ATXN1: variants seen among roughly 807,000 people sequenced by gnomAD.
The protein encoded by ATXN1 is ataxin 1, also known as ataxin-1.
Under a neutral mutation model 56.4 loss-of-function variants are expected in ATXN1, and 8 were observed. The observed-to-expected ratio is 0.14, with a 90% CI of 0.08 to 0.26. The LOEUF is 0.26. Ranked by LOEUF, ATXN1 falls within the 10% of genes least tolerant of loss-of-function variation. The pLI, the probability that ATXN1 is intolerant of heterozygous loss-of-function variation, is 1.00. For missense variants in ATXN1, 987 were observed against 1,106.5 expected, an observed-to-expected ratio of 0.89 and a Z score of 1.53; for synonymous variants, 514 against 494.6, an observed-to-expected ratio of 1.04 and a Z score of -0.52.
intron 3 of ATXN1, among the ~76,000 whole-genome samples, chr6:16,610,143 G>A (rs1763078094): frequency 6.6e-6 from 1 of 151,978 alleles, no homozygotes; most frequent in Non-Finnish European, 1.5e-5. Flanking sequence ...GACAAAGTAG[G>A]AAGCCAACAT....
intron 6 of ATXN1, among the ~76,000 whole-genome samples, chr6:16,453,246 G>T (rs1410257711): frequency 1.3e-5 from 2 of 152,158 alleles, no homozygotes; most frequent in African/African-American, 4.8e-5. Context: ...GGATCACAAG[G>T]TCAGGAGATC....
intron 1 of ATXN1, among the ~76,000 whole-genome samples, chr6:16,759,859 G>A (rs1383449850): frequency 6.6e-6 from 1 of 152,084 alleles, no homozygotes; most frequent in African/African-American, 2.4e-5. Flanking sequence ...CACAAGCCAC[G>A]GAGTTTAAGA....
intron 6 of ATXN1, among the ~76,000 whole-genome samples, chr6:16,413,136 T>C (rs1157188679): frequency 6.6e-6 from 1 of 152,248 alleles, no homozygotes; most frequent in East Asian, 1.9e-4. Flanking sequence ...CCAGTCATTA[T>C]GCTGCATATT....
At chr6:16,651,489 A>G (rs1763891726) in intron 3 of ATXN1, among the ~76,000 whole-genome samples, 1 of 151,424 alleles carries the variant, frequency 6.6e-6, no homozygotes, top group African/African-American at 2.4e-5. Flanking sequence ...GGTTGCAGTA[A>G]GCTGAGATGG....
intron 2 of ATXN1, among the ~76,000 whole-genome samples, chr6:16,718,911 T>C (rs1177897933): frequency 1.3e-5 from 2 of 152,234 alleles, no homozygotes. Context: ...TGAAGGTATG[T>C]AGCATGATAA....
chr6:16,365,390 C>A (rs1357603909), intron 6 of ATXN1, among the ~76,000 whole-genome samples: 2 of 152,168 alleles, frequency 1.3e-5, no homozygotes, highest in Admixed American at 6.5e-5. Flanking sequence ...GTTGGCCAGG[C>A]TGGTCTCGAA....
At chr6:16,664,762 GAGTATAA>G (rs1413781669) in intron 2 of ATXN1, among the ~76,000 whole-genome samples, 1 of 151,870 alleles carries the variant, frequency 6.6e-6, no homozygotes, top group Non-Finnish European at 1.5e-5. Flanking sequence ...TAAATTTTAA[GAGTATAA>G]AGTTTCCTCT....
At chr6:16,316,863 G>GTTTTTTT (rs1561847571) in intron 7 of ATXN1, among the ~76,000 whole-genome samples, 2 of 84,240 alleles carry the variant, frequency 2.4e-5, no homozygotes, top group African/African-American at 1.7e-4. Flanking sequence ...GAGACTGCCT[G>GTTTTTTT]TCTTTTTTTT....
intron 7 of ATXN1, among the ~76,000 whole-genome samples, chr6:16,315,977 T>C (rs1193624069): frequency 1.3e-5 from 2 of 152,154 alleles, no homozygotes; most frequent in Non-Finnish European, 2.9e-5. Flanking sequence ...CCACCTAGCC[T>C]GGCCCCTTCT....
Position 16,562,897 on chromosome 6 carries a change from G to A in ATXN1, c.-361+22883C>T, listed in dbSNP as rs928725089. ...ATTCATAGACTGAAGAGAAGGTTTT[G>A]GTTAAGATGAAGATAATGAAAGATC... On this transcript the variant is annotated intron_variant, in intron 4 of 7. Transcript: ENST00000436367. Among the ~76,000 whole-genome samples, 8 of 151,908 alleles carry A rather than the reference G, an allele frequency of 5.3e-5. No individual in the cohort carries two copies. In the East Asian group the frequency reaches 1.6e-3, roughly 30 times the overall value.
At chr6:16,361,310 T>C (rs562918247) in intron 6 of ATXN1, among the ~76,000 whole-genome samples, 1 of 152,364 alleles carries the variant, frequency 6.6e-6, no homozygotes, top group South Asian at 2.1e-4. Context: ...ACATTCTGTT[T>C]CTGAAACAGG....
At chr6:16,350,849 G>A (rs1324729208) in intron 6 of ATXN1, among the ~76,000 whole-genome samples, 3 of 152,166 alleles carry the variant, frequency 2.0e-5, no homozygotes, top group African/African-American at 2.4e-5. Flanking sequence ...TCAGGAGGCC[G>A]AGGCAGGAGG....
chr6:16,526,690 G>A (rs548980914), intron 4 of ATXN1, among the ~76,000 whole-genome samples: 19 of 151,840 alleles, frequency 1.3e-4, no homozygotes, highest in South Asian at 2.1e-4. Flanking sequence ...ACTTGAACCC[G>A]GGAGGTGGAA....
At chr6:16,659,037 C>G (rs1014552971) in intron 2 of ATXN1, among the ~76,000 whole-genome samples, 1 of 152,032 alleles carries the variant, frequency 6.6e-6, no homozygotes, top group Non-Finnish European at 1.5e-5. Context: ...ACCTTTTTTT[C>G]GGGACGTTTG....
intron 2 of ATXN1, among the ~76,000 whole-genome samples, chr6:16,670,430 G>T (rs1003705575): frequency 4.6e-5 from 7 of 152,172 alleles, no homozygotes; most frequent in African/African-American, 1.7e-4. Flanking sequence ...GAGGAAGGGG[G>T]ATGTGAAACA....
chr6:16,375,448 A>T (rs1490985907), intron 6 of ATXN1, among the ~76,000 whole-genome samples: 1 of 152,250 alleles, frequency 6.6e-6, no homozygotes, highest in African/African-American at 2.4e-5. Context: ...ACCCATCCTG[A>T]GCCCAGCGAA....
chr6:16,673,621 T>TATTG (rs542755787), intron 2 of ATXN1, among the ~76,000 whole-genome samples: 6 of 152,300 alleles, frequency 3.9e-5, no homozygotes, highest in African/African-American at 1.4e-4. Flanking sequence ...TAGGATATGA[T>TATTG]ATTGATTGAT....
intron 3 of ATXN1, among the ~76,000 whole-genome samples, chr6:16,656,088 CA>C (rs35745288): frequency 0.65 from 81,396 of 125,566 alleles, 25,492 homozygotes; most frequent in African/African-American, 0.86. Flanking sequence ...GACTCCATCT[CA>C]AAAAAAAAAA....
chr6:16,379,733 AAT>A (rs1329945586), intron 6 of ATXN1, among the ~76,000 whole-genome samples: 1 of 152,206 alleles, frequency 6.6e-6, no homozygotes, highest in Non-Finnish European at 1.5e-5. Context: ...TTACGCAGGT[AAT>A]AAATGACTCT....
Sources: gnomAD v4.1 joint callset for allele counts (sites outside exome capture counted in the v4.1 genomes callset) on GRCh38, gnomAD v4.1.1 for gene constraint, MANE v1.5 for transcripts, NCBI Gene and HGNC (gene_info 2026-07-23, HGNC 2026-07-21) for gene names.